The following RETREG1 variants were observed in gnomAD, a reference collection of about 807,000 sequenced individuals.
The protein encoded by RETREG1 is reticulophagy regulator 1.
RETREG1 carries 44 observed loss-of-function variants against 54.8 expected under a neutral mutation model. The ratio of observed to expected loss-of-function variants is 0.80; its 90% CI spans 0.63 to 1.03. The LOEUF is 1.03. Ranked by LOEUF, RETREG1 falls within the 50% of genes least tolerant of loss-of-function variation. RETREG1 has a pLI of 0.00. For missense variants in RETREG1, 554 were observed against 605.1 expected (o/e 0.92, Z 0.89); for synonymous variants, 217 against 238.5 (o/e 0.91, Z 0.83).
At chr5:16,602,144 G>C (rs1232671733) in intron 1 of RETREG1, among the ~76,000 whole-genome samples, 1 of 152,182 alleles carries the variant, frequency 6.6e-6, no homozygotes, top group East Asian at 1.9e-4. Context: ...ACCAAGGAAG[G>C]CTTCAGGAAC....
intron 3 of RETREG1, among the ~76,000 whole-genome samples, chr5:16,515,504 C>A (rs944412168): frequency 6.6e-6 from 1 of 151,986 alleles, no homozygotes; most frequent in African/African-American, 2.4e-5. Context: ...TACATAAAAA[C>A]ACTAACACAA....
rs1290341397 is a variant in RETREG1, at chr5:16,536,465, A to T, written c.458+29298T>A. The stretch of plus-strand genomic sequence containing the variant: ...CAGGACCATTAGTCAGCAAAAGCAG[A>T]TCACCTCACCAAGCAGGAATCGCCA... On this transcript the variant is annotated intron_variant, in intron 3 of 8. Coordinates refer to ENST00000306320, the MANE Select transcript of RETREG1 (RefSeq NM_001034850.3). Among the ~76,000 whole-genome samples, 6 of 152,262 alleles carry T rather than the reference A, an allele frequency of 3.9e-5. No individual in the cohort carries two copies. In the East Asian group the frequency reaches 9.7e-4, roughly 25 times the overall value.
chr5:16,607,607 C>T (rs1197414100), intron 1 of RETREG1, among the ~76,000 whole-genome samples: 1 of 151,990 alleles, frequency 6.6e-6, no homozygotes, highest in Non-Finnish European at 1.5e-5. Flanking sequence ...GAGCAACACT[C>T]TGTCTCAATT....
chr5:16,525,370 C>G (rs146675536), intron 3 of RETREG1, among the ~76,000 whole-genome samples: 1 of 152,110 alleles, frequency 6.6e-6, no homozygotes, highest in Non-Finnish European at 1.5e-5. Context: ...TCGAGATGCT[C>G]AAGCCCCTTT....
intron 3 of RETREG1, chr5:16,508,904 C>T: frequency 8.0e-7 from 1 of 1,255,140 alleles, no homozygotes; most frequent in Non-Finnish European, 1.0e-6. Context: ...AGTACTGTGA[C>T]AGGCGGCTGG....
chr5:16,601,965 C>T (rs187930750), intron 1 of RETREG1, among the ~76,000 whole-genome samples: 1 of 152,280 alleles, frequency 6.6e-6, no homozygotes, highest in African/African-American at 2.4e-5. Context: ...GCGATGCTTC[C>T]AATTTCTAAG....
intron 3 of RETREG1, among the ~76,000 whole-genome samples, chr5:16,500,754 A>G (rs1012126460): frequency 4.6e-5 from 7 of 152,266 alleles, no homozygotes; most frequent in Middle Eastern, 3.4e-3. Context: ...AGTCCATGGC[A>G]TAATATCAAT....
intron 3 of RETREG1, among the ~76,000 whole-genome samples, chr5:16,520,136 G>A (rs1162148298): frequency 2.0e-5 from 3 of 152,172 alleles, no homozygotes; most frequent in Admixed American, 6.5e-5. Flanking sequence ...AGAAGGCCAG[G>A]AGAGCAGGAC....
rs1449714897 is a variant in RETREG1 at position 16,616,795 on chromosome 5, C to T, written c.177G>A (p.Glu59=). ...CCGCGGCCGCCGCCCGGCCCGCGGC[C>T]TCCTCCACCTGCAACCCCGCGCCCT... ...AAEGAGLQVE[E]AAGRAAAAVT... The change falls in exon 1 of 9, where the codon GAG becomes GAA. Residue 59 remains glutamate (E), a synonymous_variant. Coordinates refer to ENST00000306320, the MANE Select transcript of RETREG1 (RefSeq NM_001034850.3). 6.5e-7 allele frequency: 1 copy of T among 1,526,866 alleles called. No individual in the cohort carries two copies. The highest frequency in any genetic ancestry group is 8.7e-7 in the Non-Finnish European group (1 of 1,143,608). 94.6% of individuals were successfully genotyped at this position (1,526,866 alleles called of 1,614,324 possible). A position where few individuals can be genotyped will look rare whatever the true frequency, so the allele number is the denominator to read the frequency against.
intron 3 of RETREG1, among the ~76,000 whole-genome samples, chr5:16,529,820 C>T (rs778135089): frequency 7.2e-5 from 11 of 152,170 alleles, no homozygotes; most frequent in Non-Finnish European, 1.5e-4. Context: ...CCTTTTGGTA[C>T]ATAAGTACCA....
At chr5:16,573,571 A>G (rs545120106) in intron 1 of RETREG1, among the ~76,000 whole-genome samples, 2 of 152,334 alleles carry the variant, frequency 1.3e-5, no homozygotes, top group African/African-American at 4.8e-5. Context: ...TTGCTTTCTC[A>G]TCAGACAAAC....
chr5:16,608,361 C>T (rs1743252431), intron 1 of RETREG1, among the ~76,000 whole-genome samples: 1 of 152,182 alleles, frequency 6.6e-6, no homozygotes, highest in South Asian at 2.1e-4. Context: ...GAGAGTCTCT[C>T]CATCCTGACA....
At chr5:16,513,713 T>G (rs991829190) in intron 3 of RETREG1, among the ~76,000 whole-genome samples, 1 of 152,248 alleles carries the variant, frequency 6.6e-6, no homozygotes, top group Non-Finnish European at 1.5e-5. Context: ...TATCTGAACC[T>G]ATCTGCCACT....
intron 3 of RETREG1, among the ~76,000 whole-genome samples, chr5:16,557,210 C>T (rs757906518): frequency 2.8e-4 from 42 of 152,206 alleles, no homozygotes; most frequent in Non-Finnish European, 5.1e-4. Flanking sequence ...TTCCCTTGAA[C>T]TTACATTCTA....
At chr5:16,568,123 G>A (rs948247693) in intron 2 of RETREG1, among the ~76,000 whole-genome samples, 1 of 152,044 alleles carries the variant, frequency 6.6e-6, no homozygotes, top group African/African-American at 2.4e-5. Context: ...AGGCATTAAC[G>A]CAGGGAAGCA....
At chr5:16,486,406 A>G (rs1262903094) in intron 3 of RETREG1, among the ~76,000 whole-genome samples, 1 of 152,242 alleles carries the variant, frequency 6.6e-6, no homozygotes, top group African/African-American at 2.4e-5. Context: ...GTACCATAGG[A>G]ACTCACATTT....
chr5:16,488,076 G>C (rs1739087331), intron 3 of RETREG1, among the ~76,000 whole-genome samples: 1 of 152,164 alleles, frequency 6.6e-6, no homozygotes, highest in East Asian at 1.9e-4. Context: ...TTTAACAGGT[G>C]TCCTAGATGA....
At chr5:16,532,038 G>C (rs927762459) in intron 3 of RETREG1, among the ~76,000 whole-genome samples, 1 of 152,110 alleles carries the variant, frequency 6.6e-6, no homozygotes, top group East Asian at 1.9e-4. Flanking sequence ...CCTTGGCCTT[G>C]GAAACCTTCC....
chr5:16,525,804 A>T (rs925203884), intron 3 of RETREG1, among the ~76,000 whole-genome samples: 2 of 152,076 alleles, frequency 1.3e-5, no homozygotes, highest in Non-Finnish European at 2.9e-5. Context: ...GAAATGGCTC[A>T]TGTGACTATG....
Sources: allele counts gnomAD v4.1 joint callset (sites outside exome capture counted in the v4.1 genomes callset), GRCh38; gene constraint gnomAD v4.1.1; transcripts MANE v1.5; gene names NCBI Gene and HGNC (gene_info 2026-07-23, HGNC 2026-07-21).